RB1CC1: variants seen among roughly 807,000 people sequenced by gnomAD.
RB1CC1 encodes RB1 inducible coiled-coil 1.
A neutral mutation model predicts 177.5 loss-of-function variants in RB1CC1; 46 were observed. The observed-to-expected ratio is 0.26, with a 90% confidence interval of 0.20 to 0.33. RB1CC1 has a LOEUF of 0.33. RB1CC1 is among the 10% of genes least tolerant of loss of function. The pLI, the probability that RB1CC1 is intolerant of heterozygous loss-of-function variation, is 1.00. For synonymous variants in RB1CC1, 666 were observed against 613.6 expected, an observed-to-expected ratio of 1.09 and a Z score of -1.26; for missense variants, 1,703 against 1,816.3, an observed-to-expected ratio of 0.94 and a Z score of 1.13.
At chr8:52,643,726 T>G (rs1169718707) in intron 16 of RB1CC1, among the ~76,000 whole-genome samples, 1 of 149,276 alleles carries the variant, frequency 6.7e-6, no homozygotes, top group Non-Finnish European at 1.5e-5. Context: ...AAAATTTACT[T>G]ACAAGATTTT....
intron 15 of RB1CC1, among the ~76,000 whole-genome samples, chr8:52,647,876 C>A (rs558081093): frequency 2.7e-4 from 41 of 152,124 alleles, no homozygotes; most frequent in African/African-American, 9.4e-4. Flanking sequence ...AGAAATGTGG[C>A]ACAGTAAAGA....
chr8:52,636,623 GTAT>G (rs1397370739), intron 18 of RB1CC1, among the ~76,000 whole-genome samples: 8 of 152,168 alleles, frequency 5.3e-5, no homozygotes, highest in Admixed American at 2.0e-4. Flanking sequence ...TGCAAGGCAG[GTAT>G]TCTGTCTTCT....
At position 52,683,913 on chromosome 8, in the gene RB1CC1, T is replaced by C; in HGVS notation, c.172A>G (p.Arg58Gly). 6.2e-7 allele frequency: 1 copy of C among 1,614,156 alleles called. No homozygotes were observed. The change falls in exon 4 of 24, where the codon AGA becomes GGA. Residue 58 changes from arginine (R) to glycine (G), a missense_variant. Transcript: ENST00000025008. ...NGGECMAADR[R>G]VCTYSAGTDT... ...GTCCCAGCACTGTAGGTACACACTC[T>C]TCGATCTGCAGCCATGCATTCTCCT... is the stretch of plus-strand genomic sequence containing the variant.
rs1854362393 is a variant in RB1CC1, at chr8:52,687,363, CT to C, written c.-166-397del. ...AAATGGCACCTGCAGCAGACAGCCTCTAAGACAGCAGCAATTATCTGTACCA... is the reference window on the plus strand; with the variant it reads ...AAATGGCACCTGCAGCAGACAGCCTCAAGACAGCAGCAATTATCTGTACCA... On this transcript the variant is annotated intron_variant, in intron 1 of 23. Coordinates refer to ENST00000025008, the MANE Select transcript of RB1CC1 (RefSeq NM_014781.5). 1.3e-5 allele frequency among the ~76,000 whole-genome samples: 2 copies of C among 152,136 alleles called. 1 individual carries two copies. Among genetic ancestry groups the C allele is most frequent in the South Asian group, 4.1e-4 (2 of 4,828 alleles).
At chr8:52,631,741 C>G (rs1423878497) in intron 20 of RB1CC1, among the ~76,000 whole-genome samples, 1 of 152,192 alleles carries the variant, frequency 6.6e-6, no homozygotes, top group Non-Finnish European at 1.5e-5. Flanking sequence ...ACAGCGTGCT[C>G]AGTCCTCTCT....
chr8:52,713,637 TAA>T (rs1857242500), intron 1 of RB1CC1, among the ~76,000 whole-genome samples: 1 of 152,166 alleles, frequency 6.6e-6, no homozygotes. Context: ...AACACAGAAT[TAA>T]GGGCTGATCC....
chr8:52,644,012 G>A (rs1207620827), intron 16 of RB1CC1, among the ~76,000 whole-genome samples: 2 of 151,780 alleles, frequency 1.3e-5, no homozygotes, highest in Non-Finnish European at 2.9e-5. Context: ...TTATGATATG[G>A]CTTTGTATTA....
chr8:52,698,162 A>C (rs1397197298), intron 1 of RB1CC1, among the ~76,000 whole-genome samples: 2 of 151,930 alleles, frequency 1.3e-5, no homozygotes, highest in African/African-American at 4.8e-5. Context: ...GCAACCTCAC[A>C]ACCTCCCCGG....
chr8:52,642,637 C>A lies in RB1CC1; in HGVS notation c.4097-46G>T, dbSNP rs564922205. 7.6e-5 allele frequency: 122 copies of A among 1,597,904 alleles called. 1 individual carries two copies. In the South Asian group the frequency reaches 1.2e-3, roughly 16 times the overall value. The stretch of plus-strand genomic sequence containing the variant: ...AAAAAGTATCATGTAATTAAAAAAA[C>A]CACTTTGCATGAATGTATCTTTTCC... On this transcript the variant is annotated intron_variant, in intron 17 of 23. Coordinates refer to ENST00000025008, the MANE Select transcript of RB1CC1 (RefSeq NM_014781.5).
rs961990501 is a variant in RB1CC1 at position 52,626,114 on chromosome 8, T to C, written c.4637-1327A>G. 2.9e-4 allele frequency among the ~76,000 whole-genome samples: 44 copies of C among 152,144 alleles called. 1 individual carries two copies. The highest frequency in any genetic ancestry group is 1.9e-4 in the Non-Finnish European group (13 of 68,016). On this transcript the variant is annotated intron_variant, in intron 22 of 23. Coordinates refer to ENST00000025008, the MANE Select transcript of RB1CC1 (RefSeq NM_014781.5). ...AATCATCTAAAAATAAATGCTTGTA[T>C]GATGCCAGAAGAGTAATGAGCCCCA...
At chr8:52,648,061 CTGAGA>C (rs971339494) in intron 15 of RB1CC1, among the ~76,000 whole-genome samples, 1 of 152,002 alleles carries the variant, frequency 6.6e-6, no homozygotes, top group African/African-American at 2.4e-5. Flanking sequence ...CAGTGCTGTG[CTGAGA>C]TAATACAGGG....
At chr8:52,699,830 A>AATATATATATATAT (rs1211106554) in intron 1 of RB1CC1, among the ~76,000 whole-genome samples, 15 of 26,714 alleles carry the variant, frequency 5.6e-4, no homozygotes, top group South Asian at 4.6e-3. Context: ...AAAAAAAAAA[A>AATATATATATATAT]ATATATATAT....
intron 15 of RB1CC1, among the ~76,000 whole-genome samples, chr8:52,648,882 G>A (rs1197590414): frequency 4.0e-5 from 6 of 151,898 alleles, no homozygotes; most frequent in Non-Finnish European, 8.8e-5. Flanking sequence ...CCAAATTGTC[G>A]ACATCATTAC....
intron 7 of RB1CC1, among the ~76,000 whole-genome samples, chr8:52,669,960 AAATTT>A (rs61649812): frequency 0.18 from 26,629 of 151,972 alleles, 3,197 homozygotes; most frequent in East Asian, 0.65. Context: ...TTCCTAAAAA[AAATTT>A]ATTTTTGAGC....
chr8:52,678,508 G>C (rs111807612), intron 5 of RB1CC1, among the ~76,000 whole-genome samples: 1 of 152,150 alleles, frequency 6.6e-6, no homozygotes, highest in Admixed American at 6.5e-5. Flanking sequence ...AGGTATGAGA[G>C]AGAAATGCAT....
chr8:52,680,557 T>C (rs185616448), intron 5 of RB1CC1, among the ~76,000 whole-genome samples: 1 of 152,340 alleles, frequency 6.6e-6, no homozygotes. Flanking sequence ...CAAAGTATTC[T>C]GATTTCTCTA....
intron 7 of RB1CC1, among the ~76,000 whole-genome samples, chr8:52,673,398 T>C (rs1852781932): frequency 6.6e-6 from 1 of 152,180 alleles, no homozygotes; most frequent in Non-Finnish European, 1.5e-5. Flanking sequence ...AAATACAGTG[T>C]CTACGTTTCG....
At chr8:52,639,609 C>A (rs1849410800) in intron 18 of RB1CC1, among the ~76,000 whole-genome samples, 2 of 152,254 alleles carry the variant, frequency 1.3e-5, no homozygotes, top group South Asian at 2.1e-4. Flanking sequence ...CTCCCATATA[C>A]TTACAAATAA....
chr8:52,645,877 T>TA lies in RB1CC1; in HGVS notation c.3822-11dup. The TA allele has an allele frequency of 6.3e-7, 1 of 1,577,370 alleles. No individual in the cohort carries two copies. The highest frequency in any genetic ancestry group is 8.5e-7 in the Non-Finnish European group (1 of 1,170,290). ...AGAGTCAATGGCAGGACTTACAAAT[T>TA]AAATACAGCATTAAATTAAAAAAAA... is the stretch of plus-strand genomic sequence containing the variant. On this transcript the variant is annotated splice_polypyrimidine_tract_variant and intron_variant, in intron 15 of 23. Transcript: ENST00000025008.
Sources: allele counts gnomAD v4.1 joint callset (sites outside exome capture counted in the v4.1 genomes callset), GRCh38; gene constraint gnomAD v4.1.1; transcripts MANE v1.5; gene names NCBI Gene and HGNC (gene_info 2026-07-23, HGNC 2026-07-21).